Variants in PMM2 observed in about 807,000 individuals in gnomAD.
PMM2 encodes phosphomannomutase 2.
In PMM2, 35 loss-of-function variants were observed where a neutral mutation model predicts 33.2. That is an observed-to-expected ratio of 1.06 (90% confidence interval 0.81 to 1.40). PMM2 has a LOEUF of 1.40. Ranked by LOEUF, PMM2 falls within the 40% of genes most tolerant of loss-of-function variation. PMM2 has a pLI of 0.00. For synonymous variants in PMM2, 153 were observed against 114.7 expected (o/e 1.33, Z -2.13); for missense variants, 386 against 306.0 (o/e 1.26, Z -1.95).
At chr16:8,814,824 T>G (rs186088014) in intron 7 of PMM2, among the ~76,000 whole-genome samples, 14 of 152,340 alleles carry the variant, frequency 9.2e-5, no homozygotes, top group Admixed American at 4.6e-4. Flanking sequence ...TTGTTGCTAT[T>G]GTTATAAGAA....
chr16:8,819,435 G>C (rs914601216), intron 7 of PMM2, among the ~76,000 whole-genome samples: 1 of 152,184 alleles, frequency 6.6e-6, no homozygotes, highest in African/African-American at 2.4e-5. Context: ...AGGTTACTGT[G>C]GGGGTGGGGA....
chr16:8,835,094 A>G (rs1446805864), intron 7 of PMM2, among the ~76,000 whole-genome samples: 3 of 148,470 alleles, frequency 2.0e-5, no homozygotes, highest in Admixed American at 6.7e-5. Flanking sequence ...CTCTAAAAGT[A>G]TTAAAGCAGC....
At chr16:8,817,920 T>C (rs2060716980) in intron 7 of PMM2, among the ~76,000 whole-genome samples, 1 of 151,676 alleles carries the variant, frequency 6.6e-6, no homozygotes, top group South Asian at 2.1e-4. Flanking sequence ...TTTTTTTTTT[T>C]TGAGACAGAG....
intron 2 of PMM2, among the ~76,000 whole-genome samples, chr16:8,803,772 G>A (rs774258931): frequency 1.3e-5 from 2 of 150,512 alleles, no homozygotes; most frequent in African/African-American, 2.4e-5. Context: ...TAACCTCTGC[G>A]TCCTGGGTTC....
At chr16:8,837,992 A>T (rs2060862606) in intron 7 of PMM2, among the ~76,000 whole-genome samples, 1 of 152,146 alleles carries the variant, frequency 6.6e-6, no homozygotes, top group Non-Finnish European at 1.5e-5. Context: ...CCGTGTGAAG[A>T]GACCACCAAA....
At chr16:8,804,657 C>T in intron 2 of PMM2, 110 bp from the exon 3 acceptor site, 3 of 764,190 alleles carry the variant, frequency 3.9e-6, no homozygotes, top group South Asian at 2.9e-5. Flanking sequence ...TAGTCTTTCA[C>T]AGTCCTTGCT....
Position 8,829,745 on chromosome 16 carries a change from A to G in PMM2, c.639+16639A>G, listed in dbSNP as rs112095809. Among the ~76,000 whole-genome samples, 638 of 152,330 alleles carry G rather than the reference A, an allele frequency of 4.2e-3. 1 individual carries two copies. The highest frequency in any genetic ancestry group is 7.3e-3 in the Non-Finnish European group (497 of 68,020). ...CCGAGCTTCTGCTGACAAGTCCTTCAGGGTTCAGTGAATGTGACCAACCAG... is the reference window on the plus strand; with the variant it reads ...CCGAGCTTCTGCTGACAAGTCCTTCGGGGTTCAGTGAATGTGACCAACCAG... On this transcript the variant is annotated intron_variant, in intron 7 of 7. Transcript: ENST00000268261.
rs104894525 is a variant in PMM2 at position 8,811,116 on chromosome 16, G to T, written c.385G>T (p.Val129Leu). ...FIEFRNGMLN[V>L]SPIGRSCSQE... ...TGAATTCCGAAATGGGATGTTAAAC[G>T]TGTCCCCTATTGGAAGAAGCTGCAG... Residue 129 changes from valine (V) to leucine (L), a missense_variant, in exon 5 of 8, where the codon GTG becomes TTG. Transcript: ENST00000268261. 2 of 1,577,100 alleles carry T rather than the reference G, an allele frequency of 1.3e-6. No individual in the cohort carries two copies. Among genetic ancestry groups the T allele is most frequent in the South Asian group, 1.1e-5 (1 of 87,082 alleles).
chr16:8,801,481 G>C (rs1181218382), intron 1 of PMM2, among the ~76,000 whole-genome samples: 1 of 152,032 alleles, frequency 6.6e-6, no homozygotes, highest in Non-Finnish European at 1.5e-5. Context: ...GACTGGCCTG[G>C]GCAACATGGC....
At chr16:8,804,021 G>GTTTTTTTTT (rs113764347) in intron 2 of PMM2, among the ~76,000 whole-genome samples, 2 of 72,572 alleles carry the variant, frequency 2.8e-5, no homozygotes, top group African/African-American at 9.7e-5. Context: ...TTGTTTTTTG[G>GTTTTTTTTT]GTTTTTTTTG....
At chr16:8,811,493 C>G in intron 5 of PMM2, 145 bp from the exon 6 acceptor site, 7 of 690,062 alleles carry the variant, frequency 1.0e-5, no homozygotes, top group Non-Finnish European at 1.8e-5. Context: ...GCGCTCCAGC[C>G]TGGGCAACAG....
chr16:8,801,827 T>G lies in PMM2; in HGVS notation c.95T>G (p.Leu32Arg), dbSNP rs104894533. 64 of 1,611,138 alleles carry G rather than the reference T, an allele frequency of 4.0e-5. No individual in the cohort carries two copies. The highest frequency in any genetic ancestry group is 5.4e-5 in the Non-Finnish European group (64 of 1,177,896). ...ATTACCAAAGAAATGGATGACTTCC[T>G]ACAAAAATTGAGGCAGAAGATCAAA... ...QKITKEMDDF[L>R]QKLRQKIKIG... Residue 32 changes from leucine to arginine, a missense_variant, in exon 2 of 8, where the codon CTA becomes CGA. Physicochemically the swap from Leu to Arg is moderately radical, Grantham distance 102. Transcript: ENST00000268261.
chr16:8,813,511 C>CGAT (rs2060689659), intron 7 of PMM2, among the ~76,000 whole-genome samples: 1 of 152,126 alleles, frequency 6.6e-6, no homozygotes, highest in African/African-American at 2.4e-5. Context: ...GGGCCATGAA[C>CGAT]GATGGGAGGA....
chr16:8,833,842 G>C (rs997585580), intron 7 of PMM2, among the ~76,000 whole-genome samples: 9 of 152,134 alleles, frequency 5.9e-5, no homozygotes, highest in Non-Finnish European at 1.3e-4. Flanking sequence ...ATTCAGCATA[G>C]TCCTGCCAGC....
intron 7 of PMM2, among the ~76,000 whole-genome samples, chr16:8,837,113 G>A (rs962231514): frequency 6.5e-4 from 99 of 152,004 alleles, no homozygotes; most frequent in African/African-American, 2.1e-3. Context: ...AAGACTCAGC[G>A]ACGCTTGGGG....
intron 7 of PMM2, chr16:8,832,734 C>T: frequency 2.0e-6 from 2 of 985,318 alleles, no homozygotes; most frequent in Non-Finnish European, 2.4e-6. Context: ...GGCTTGCAGG[C>T]TTCAGGCGGC....
At chr16:8,814,140 G>A (rs2141025063) in intron 7 of PMM2, among the ~76,000 whole-genome samples, 1 of 152,130 alleles carries the variant, frequency 6.6e-6, no homozygotes, top group East Asian at 1.9e-4. Context: ...GTTCTGGGAT[G>A]ACAGGTGTGA....
At chr16:8,822,504 A>G (rs73494573) in intron 7 of PMM2, among the ~76,000 whole-genome samples, 3,566 of 152,264 alleles carry the variant, frequency 0.023, 137 homozygotes, top group African/African-American at 0.08. Context: ...ATTCCTCCCA[A>G]GGTTAGTTTG....
chr16:8,827,719 CATATATATATATATATATATATAT>C lies in PMM2; in HGVS notation c.639+14632_639+14655del, dbSNP rs60052078. Among the ~76,000 whole-genome samples, 68 of 66,864 alleles carry C rather than the reference CATATATATATATATATATATATAT, an allele frequency of 1.0e-3. 1 individual carries two copies. The highest frequency in any genetic ancestry group is 8.6e-3 in the Middle Eastern group (1 of 116). 43.9% of individuals were successfully genotyped at this position (66,864 alleles called of 152,430 possible). A position where few individuals can be genotyped will look rare whatever the true frequency, so the allele number is the denominator to read the frequency against. On this transcript the variant is annotated intron_variant, in intron 7 of 7. Coordinates refer to ENST00000268261, the MANE Select transcript of PMM2 (RefSeq NM_000303.3). ...CCCACAAAGGCCTTTTAAATGTGTG[CATATATATATATATATATATATAT>C]ATATATATATATATATATGCACACA... is the stretch of plus-strand genomic sequence containing the variant.
Sources: gnomAD v4.1 joint callset for allele counts (sites outside exome capture counted in the v4.1 genomes callset) on GRCh38, gnomAD v4.1.1 for gene constraint, MANE v1.5 for transcripts, NCBI Gene and HGNC (gene_info 2026-07-23, HGNC 2026-07-21) for gene names.